FRMPD4: variants seen among roughly 807,000 people sequenced by gnomAD.
FRMPD4 encodes FERM and PDZ domain containing 4.
In FRMPD4, 22 loss-of-function variants were observed where a neutral mutation model predicts 94.1. The observed-to-expected ratio is 0.23, with a 90% CI of 0.17 to 0.33. FRMPD4 has a LOEUF of 0.33. Among genes scored for constraint, FRMPD4 ranks in the 10% least tolerant of loss-of-function variants. The pLI is 1.00. For missense variants in FRMPD4, 1,111 were observed against 1,339.9 expected, an observed-to-expected ratio of 0.83 and a Z score of 2.67; for synonymous variants, 631 against 548.6, an observed-to-expected ratio of 1.15 and a Z score of -2.10.
chrX:12,521,500 T>C (rs960054055), intron 2 of FRMPD4, among the ~76,000 whole-genome samples: 3 of 112,310 alleles, frequency 2.7e-5, no homozygotes, highest in African/African-American at 9.7e-5. Flanking sequence ...ATAATAATTC[T>C]CCTCCTCCAC....
chrX:12,716,573 C>A lies in FRMPD4; in HGVS notation c.2114C>A (p.Ala705Glu), dbSNP rs1014029372. Reference protein sequence around the residue: ...DMKGLDLTPEAEGIQFVENSV... With the variant: ...DMKGLDLTPEEEGIQFVENSV... ...AAGGGCCTGGATCTCACTCCAGAGG[C>A]AGAGGGCATCCAGTTTGTGGAAAAT... is the stretch of plus-strand genomic sequence containing the variant. The change falls in exon 15 of 17, where the codon GCA becomes GAA. Residue 705 changes from alanine (A) to glutamate (E), a missense_variant. Physicochemically the swap from Ala to Glu is moderately radical, Grantham distance 107 (BLOSUM62 -1). Coordinates refer to ENST00000675598, the MANE Select transcript of FRMPD4 (RefSeq NM_001368397.1). The A allele has an allele frequency of 2.5e-6, 3 of 1,208,866 alleles. No homozygotes were observed. Among genetic ancestry groups the A allele is most frequent in the Non-Finnish European group, 3.4e-6 (3 of 894,444 alleles).
chrX:12,610,747 C>CA (rs61220147), intron 3 of FRMPD4, among the ~76,000 whole-genome samples: 67 of 82,994 alleles, frequency 8.1e-4, no homozygotes, highest in Middle Eastern at 6.2e-3. Context: ...GACCCTGTCT[C>CA]AAAAAAAAAA....
intron 1 of FRMPD4, among the ~76,000 whole-genome samples, chrX:12,237,352 G>A (rs1270949342): frequency 3.6e-5 from 4 of 111,884 alleles, no homozygotes; most frequent in Non-Finnish European, 5.6e-5. Flanking sequence ...ATGTCTGCCA[G>A]AGAAGGATCA....
At chrX:12,655,218 T>C (rs191785202) in intron 4 of FRMPD4, among the ~76,000 whole-genome samples, 21 of 112,530 alleles carry the variant, frequency 1.9e-4, no homozygotes, top group Non-Finnish European at 2.8e-4. Context: ...AATCAGATTG[T>C]TTTAAAAAAT....
At chrX:12,675,711 C>T (rs373679298) in intron 5 of FRMPD4, among the ~76,000 whole-genome samples, 3 of 111,722 alleles carry the variant, frequency 2.7e-5, no homozygotes, top group Admixed American at 9.5e-5. Flanking sequence ...TAAAAATTAC[C>T]GAGGCAAATT....
chrX:12,096,737 A>G (rs2055207224), intron 3 of FRMPD4, among the ~76,000 whole-genome samples: 1 of 111,235 alleles, frequency 9.0e-6, no homozygotes, highest in South Asian at 3.9e-4. Context: ...TTTTTTAACA[A>G]TTAGCTGGAC....
intron 1 of FRMPD4, among the ~76,000 whole-genome samples, chrX:12,336,890 A>G (rs1433487397): frequency 9.0e-6 from 1 of 111,568 alleles, no homozygotes; most frequent in Non-Finnish European, 1.9e-5. Context: ...GAAGAAGAGC[A>G]ATGGAGTGAA....
At chrX:12,255,257 G>A (rs2054098502) in intron 1 of FRMPD4, among the ~76,000 whole-genome samples, 1 of 111,398 alleles carries the variant, frequency 9.0e-6, no homozygotes, top group Admixed American at 9.6e-5. Context: ...TGGAATGGGT[G>A]ATAATGCTGC....
At chrX:11,868,727 C>T (rs1228090959) in intron 2 of FRMPD4, among the ~76,000 whole-genome samples, 1 of 111,959 alleles carries the variant, frequency 8.9e-6, no homozygotes, top group Non-Finnish European at 1.9e-5. Context: ...TGGGTCTGGC[C>T]GGTCTCTGAC....
intron 1 of FRMPD4, among the ~76,000 whole-genome samples, chrX:11,856,503 A>G (rs2053654597): frequency 9.1e-6 from 1 of 110,123 alleles, no homozygotes; most frequent in East Asian, 2.8e-4. Flanking sequence ...AAAATTCAAC[A>G]TCCATTAATG....
At chrX:12,492,473 T>C (rs1010049911) in intron 1 of FRMPD4, among the ~76,000 whole-genome samples, 2 of 112,482 alleles carry the variant, frequency 1.8e-5, no homozygotes, top group African/African-American at 6.4e-5. Context: ...TGTTAAAATA[T>C]ACAGTCAAAT....
At chrX:12,106,734 A>G (rs1011656410) in intron 3 of FRMPD4, among the ~76,000 whole-genome samples, 1 of 111,676 alleles carries the variant, frequency 9.0e-6, no homozygotes. Flanking sequence ...GTCTTAGCAA[A>G]TGGCACACCA....
At position 12,717,849 on chromosome X, in the gene FRMPD4, C is replaced by T; in HGVS notation, c.3023C>T (p.Thr1008Ile). 1 of 1,211,160 alleles carries T rather than the reference C, an allele frequency of 8.3e-7. No individual in the cohort carries two copies. The highest frequency in any genetic ancestry group is 1.1e-6 in the Non-Finnish European group (1 of 894,630). ...GAAACTATGGAGACTAAGTCGGTCA[C>T]TGACTATTTTAGCAAACTGCACATG... ...EPETMETKSV[T>I]DYFSKLHMGS... Residue 1008 changes from threonine (T) to isoleucine (I), a missense_variant, in exon 16 of 17, where the codon ACT becomes ATT. This residue lies in a region of FRMPD4 where 551 missense variants were observed against 591.6 expected (regional missense o/e 0.93). Transcript: ENST00000675598.
intron 1 of FRMPD4, among the ~76,000 whole-genome samples, chrX:12,197,146 T>C (rs769504907): frequency 2.4e-4 from 27 of 111,125 alleles, no homozygotes; most frequent in Non-Finnish European, 5.1e-4. Flanking sequence ...ATTCTCTGAA[T>C]GTAGGGAACA....
intron 1 of FRMPD4, among the ~76,000 whole-genome samples, chrX:12,218,684 C>T (rs967060574): frequency 1.4e-4 from 16 of 111,776 alleles, no homozygotes; most frequent in South Asian, 3.7e-4. Flanking sequence ...ATAATCATGA[C>T]TGTCAAAATT....
intron 2 of FRMPD4, among the ~76,000 whole-genome samples, chrX:12,596,202 T>A (rs2059029263): frequency 9.0e-6 from 1 of 111,406 alleles, no homozygotes; most frequent in Non-Finnish European, 1.9e-5. Context: ...TGATCCTGAA[T>A]TCTGCACCAG....
At chrX:12,419,735 G>A (rs1051185533) in intron 1 of FRMPD4, among the ~76,000 whole-genome samples, 3 of 111,345 alleles carry the variant, frequency 2.7e-5, no homozygotes, top group African/African-American at 9.8e-5. Context: ...CTAGACTTCT[G>A]GGAATCATTC....
chrX:11,974,485 G>A (rs780564391), intron 3 of FRMPD4, among the ~76,000 whole-genome samples: 7 of 111,813 alleles, frequency 6.3e-5, no homozygotes, highest in East Asian at 2.8e-4. Context: ...CATGAGCCAC[G>A]TAAACCTCTT....
intron 7 of FRMPD4, among the ~76,000 whole-genome samples, chrX:12,687,677 T>G (rs2060039492): frequency 8.9e-6 from 1 of 112,345 alleles, no homozygotes; most frequent in Admixed American, 9.4e-5. Context: ...GAAAGGCTCA[T>G]AGTCAGGGCA....
Sources: allele counts gnomAD v4.1 joint callset (sites outside exome capture counted in the v4.1 genomes callset), GRCh38; gene constraint gnomAD v4.1.1; regional missense constraint gnomAD v4.1.1; transcripts MANE v1.5; gene names NCBI Gene and HGNC (gene_info 2026-07-23, HGNC 2026-07-21).